USO1: variants seen among roughly 807,000 people sequenced by gnomAD.
The protein encoded by USO1 is general vesicular transport factor p115.
A neutral mutation model predicts 124.5 loss-of-function variants in USO1; 57 were observed. That is an observed-to-expected ratio of 0.46 (90% CI 0.37 to 0.57). USO1 has a LOEUF of 0.57. USO1 is among the 20% of genes least tolerant of loss of function. The pLI is 0.00. For missense variants in USO1, 900 were observed against 1,040.6 expected (o/e 0.86, Z 1.86); for synonymous variants, 369 against 362.8 (o/e 1.02, Z -0.19).
At chr4:75,729,981 G>A (rs1195904747) in intron 1 of USO1, 2 of 380,654 alleles carry the variant, frequency 5.3e-6, no homozygotes, top group Non-Finnish European at 1.0e-5. Flanking sequence ...TAAATGTGTA[G>A]TCTGAAATTC....
chr4:75,795,068 T>C (rs748875204), intron 13 of USO1, among the ~76,000 whole-genome samples: 3 of 152,188 alleles, frequency 2.0e-5, no homozygotes, highest in Non-Finnish European at 2.9e-5. Context: ...GAATGCCTGA[T>C]GAGAAGTGCT....
chr4:75,780,230 C>T (rs972162420), intron 8 of USO1, among the ~76,000 whole-genome samples: 5 of 152,106 alleles, frequency 3.3e-5, no homozygotes, highest in African/African-American at 4.8e-5. Context: ...CACCTGATCA[C>T]GCAAGAGCTC....
intron 1 of USO1, among the ~76,000 whole-genome samples, chr4:75,740,733 A>C (rs546061413): frequency 5.4e-4 from 82 of 152,336 alleles, no homozygotes; most frequent in African/African-American, 1.8e-3. Context: ...TAAAAGCAAG[A>C]TCTAATATGG....
At position 75,771,109 on chromosome 4, in the gene USO1, C is replaced by A; in HGVS notation, c.527C>A (p.Ala176Glu). 4 of 1,611,336 alleles carry A rather than the reference C, an allele frequency of 2.5e-6. No homozygotes were observed. The highest frequency in any genetic ancestry group is 3.4e-6 in the Non-Finnish European group (4 of 1,179,026). Residue 176 changes from alanine to glutamate, a missense_variant, in exon 7 of 24, where the codon GCG becomes GAG. Transcript: ENST00000514213. ...GTTTCAAGATTGATGGACTTACTAGCGGATTCCAGGGAAGTTATACGTAAT... is the reference window on the plus strand; with the variant it reads ...GTTTCAAGATTGATGGACTTACTAGAGGATTCCAGGGAAGTTATACGTAAT... ...MGVSRLMDLL[A>E]DSREVIRNDG...
intron 1 of USO1, among the ~76,000 whole-genome samples, chr4:75,739,088 G>A (rs1274997039): frequency 2.0e-5 from 3 of 151,942 alleles, no homozygotes; most frequent in East Asian, 1.9e-4. Context: ...TCCTGACCTC[G>A]TGATCCGCCC....
In USO1 at chr4:75,800,407, A is replaced by C. The variant is rs186410513; in HGVS notation, c.1620A>C (p.Leu540Phe). 1.9e-6 allele frequency: 3 copies of C among 1,599,676 alleles called. No individual in the cohort carries two copies. The South Asian group carries it at 3.4e-5, about 18-fold the overall frequency. Reference sequence around the variant, plus strand: ...AAGAAGAGCAGTTGGTCCAAGGCTTATGTGCCCTTTTGTTGGGCATTTCGA... The same window carrying C: ...AAGAAGAGCAGTTGGTCCAAGGCTTCTGTGCCCTTTTGTTGGGCATTTCGA... ...LGEEEQLVQG[L>F]CALLLGISIY... Residue 540 changes from leucine to phenylalanine, a missense_variant, in exon 15 of 24, where the codon TTA (leucine) becomes TTC (phenylalanine). Leu to Phe is a conservative substitution (Grantham distance 22, BLOSUM62 0). Coordinates refer to ENST00000514213, the MANE Select transcript of USO1 (RefSeq NM_003715.4).
At chr4:75,767,643 C>T in intron 4 of USO1, 1 of 286,164 alleles carries the variant, frequency 3.5e-6, no homozygotes, top group Non-Finnish European at 6.9e-6. Context: ...ACTCGGGAGG[C>T]TGAGGCGAGC....
chr4:75,790,544 T>C, intron 11 of USO1, 99 bp from the exon 12 acceptor site: 2 of 1,470,126 alleles, frequency 1.4e-6, no homozygotes, highest in Non-Finnish European at 1.8e-6. Context: ...TTGCTGGTGT[T>C]CTGGTTATGA....
rs41282395 is a variant in USO1, at chr4:75,810,531, G to A, written c.2575G>A (p.Glu859Lys). The A allele has an allele frequency of 1.2e-6, 2 of 1,607,316 alleles. No individual in the cohort carries two copies. The highest frequency in any genetic ancestry group is 1.7e-5 in the Admixed American group (1 of 58,602). ...RLSALLQETK[E>K]LKNEIKALSE... ...GTCAGCATTATTACAAGAGACCAAA[G>A]AGTTAAAGGTTTGTTTTTGGTGCAA... is the stretch of plus-strand genomic sequence containing the variant. The change falls in exon 22 of 24, where the codon GAG becomes AAG. Residue 859 changes from glutamate (E) to lysine (K), a missense_variant. By Grantham distance (56) the Glu-to-Lys change is moderately conservative. Transcript: ENST00000514213.
intron 1 of USO1, among the ~76,000 whole-genome samples, chr4:75,751,806 T>C (rs1406106195): frequency 6.6e-6 from 1 of 151,584 alleles, no homozygotes; most frequent in Non-Finnish European, 1.5e-5. Context: ...CACTCCAGCC[T>C]GGGGGACAAG....
intron 3 of USO1, among the ~76,000 whole-genome samples, chr4:75,756,127 G>C (rs967614390): frequency 2.1e-5 from 3 of 145,414 alleles, no homozygotes; most frequent in Non-Finnish European, 4.5e-5. Flanking sequence ...TCAAGATCGC[G>C]CCACTGCACT....
intron 4 of USO1, among the ~76,000 whole-genome samples, chr4:75,766,138 G>A (rs1456499503): frequency 1.3e-5 from 2 of 151,938 alleles, no homozygotes; most frequent in Non-Finnish European, 2.9e-5. Context: ...TTTTTTGATA[G>A]ATTGCATATA....
chr4:75,770,298 T>A (rs1271355400), intron 4 of USO1, 141 bp from the exon 5 acceptor site: 3 of 610,432 alleles, frequency 4.9e-6, no homozygotes, highest in Non-Finnish European at 5.1e-6. Context: ...ACATAATAAT[T>A]GTGATATTGC....
chr4:75,756,540 CTT>C (rs1360330445), intron 3 of USO1, among the ~76,000 whole-genome samples: 5 of 131,180 alleles, frequency 3.8e-5, no homozygotes, highest in African/African-American at 1.5e-4. Flanking sequence ...GAGTTTTGCT[CTT>C]GTTGCCCAGG....
At chr4:75,779,973 T>G (rs1722172980) in intron 8 of USO1, among the ~76,000 whole-genome samples, 1 of 152,192 alleles carries the variant, frequency 6.6e-6, no homozygotes, top group African/African-American at 2.4e-5. Context: ...GACTTTAAGT[T>G]GAAGCCAGTG....
chr4:75,795,927 T>C, intron 13 of USO1, among the ~76,000 whole-genome samples: 1 of 152,004 alleles, frequency 6.6e-6, no homozygotes, highest in South Asian at 2.1e-4. Flanking sequence ...TTGTTTTGTT[T>C]TGTTTTGTTT....
chr4:75,734,480 G>A (rs1267781234), intron 1 of USO1, among the ~76,000 whole-genome samples: 2 of 152,016 alleles, frequency 1.3e-5, no homozygotes, highest in Non-Finnish European at 2.9e-5. Flanking sequence ...TCTCTATCCT[G>A]TTCCATTGCT....
chr4:75,767,072 G>A (rs1413256465), intron 4 of USO1, among the ~76,000 whole-genome samples: 1 of 152,086 alleles, frequency 6.6e-6, no homozygotes, highest in Admixed American at 6.5e-5. Context: ...AAGTCTCCTG[G>A]CTTTCTTCCT....
rs771223136 is a variant in USO1 at position 75,771,065 on chromosome 4, A to G, written c.500-17A>G. On this transcript the variant is annotated splice_polypyrimidine_tract_variant and intron_variant, in intron 6 of 23. Transcript: ENST00000514213. ...TTTTTGGTCTGCCAGCATTTTTCAC[A>G]TGGTTGTATGTTCTAGGTGTTTCAA... 9 of 1,605,962 alleles carry G rather than the reference A, an allele frequency of 5.6e-6. No homozygotes were observed. The South Asian group carries it at 7.8e-5, about 14-fold the overall frequency.
Sources: allele counts gnomAD v4.1 joint callset (sites outside exome capture counted in the v4.1 genomes callset), GRCh38; gene constraint gnomAD v4.1.1; transcripts MANE v1.5; gene names NCBI Gene and HGNC (gene_info 2026-07-23, HGNC 2026-07-21).